PDE5A: variants seen among roughly 807,000 people sequenced by gnomAD.
PDE5A encodes the protein phosphodiesterase 5A.
A neutral mutation model predicts 110.2 loss-of-function variants in PDE5A; 67 were observed. That is an observed-to-expected ratio of 0.61 (90% CI 0.50 to 0.75). The LOEUF is 0.75. Ranked by LOEUF, PDE5A falls within the 30% of genes least tolerant of loss-of-function variation. The probability of loss-of-function intolerance (pLI) is 0.00; values close to 1 mark genes in which losing one functional copy is unlikely to be tolerated. For synonymous variants in PDE5A, 328 were observed against 351.2 expected (o/e 0.93, Z 0.74); for missense variants, 862 against 1,045.1 (o/e 0.82, Z 2.42).
intron 2 of PDE5A, among the ~76,000 whole-genome samples, chr4:119,601,665 C>T (rs554705744): frequency 1.1e-3 from 165 of 152,272 alleles, no homozygotes; most frequent in African/African-American, 3.9e-3. Flanking sequence ...ATCCCACTTG[C>T]AGCTGACGTC....
chr4:119,586,428 G>A (rs1385150790), intron 3 of PDE5A, among the ~76,000 whole-genome samples: 2 of 152,162 alleles, frequency 1.3e-5, no homozygotes, highest in Non-Finnish European at 2.9e-5. Context: ...TAACAACAAG[G>A]AATACAGGGT....
chr4:119,498,851 G>T (rs1394978536), intron 20 of PDE5A, 113 bp from the exon 21 acceptor site: 3 of 1,118,826 alleles, frequency 2.7e-6, no homozygotes, highest in East Asian at 4.9e-5. Flanking sequence ...CAGACTCACT[G>T]TTGAAATTTT....
chr4:119,551,554 T>A (rs559632227), intron 9 of PDE5A, among the ~76,000 whole-genome samples: 159 of 152,310 alleles, frequency 1.0e-3, no homozygotes, highest in African/African-American at 3.6e-3. Flanking sequence ...TTGCACCTAG[T>A]GAAGGCTCAC....
chr4:119,610,804 C>T (rs1314525797), intron 1 of PDE5A, among the ~76,000 whole-genome samples: 3 of 152,198 alleles, frequency 2.0e-5, no homozygotes, highest in Non-Finnish European at 4.4e-5. Flanking sequence ...ATCTCCATTA[C>T]TACCACCCTG....
intron 14 of PDE5A, 21 bp downstream of exon 14, chr4:119,519,024 G>C (rs1726016503): frequency 6.4e-7 from 1 of 1,558,970 alleles, no homozygotes; most frequent in African/African-American, 1.4e-5. Flanking sequence ...ACATTTTCTT[G>C]CTTTACTGGG....
chr4:119,606,264 T>G (rs1729524782), intron 2 of PDE5A, among the ~76,000 whole-genome samples: 1 of 152,156 alleles, frequency 6.6e-6, no homozygotes, highest in African/African-American at 2.4e-5. Context: ...GGACTTTGAA[T>G]GAATATGATT....
At chr4:119,569,492 T>A (rs915809773) in intron 3 of PDE5A, among the ~76,000 whole-genome samples, 1 of 149,644 alleles carries the variant, frequency 6.7e-6, no homozygotes, top group Non-Finnish European at 1.5e-5. Flanking sequence ...TTTGTACCAA[T>A]AAATAAAGAA....
intron 14 of PDE5A, among the ~76,000 whole-genome samples, chr4:119,513,874 T>C (rs533207618): frequency 2.6e-5 from 4 of 152,322 alleles, no homozygotes; most frequent in East Asian, 3.9e-4. Flanking sequence ...TGGCTTGAGA[T>C]AGATGAATGC....
At chr4:119,592,492 T>G (rs1729015213) in intron 3 of PDE5A, among the ~76,000 whole-genome samples, 4 of 98,144 alleles carry the variant, frequency 4.1e-5, no homozygotes, top group South Asian at 3.2e-4. Flanking sequence ...AAAAAAGCTG[T>G]GTTCTGGAAG....
At chr4:119,541,077 A>C (rs182735087) in intron 10 of PDE5A, among the ~76,000 whole-genome samples, 2 of 152,104 alleles carry the variant, frequency 1.3e-5, no homozygotes, top group Non-Finnish European at 2.9e-5. Flanking sequence ...AGGGAAGTGC[A>C]GAGGAGTGCG....
At position 119,565,936 on chromosome 4, in the gene PDE5A, A is replaced by G. The variant is rs552667157; in HGVS notation, c.904-526T>C. On this transcript the variant is annotated intron_variant, in intron 4 of 20. Transcript: ENST00000354960. ...GTGTTTCTAATTATATTAATTATTG[A>G]TTGACTATTAATTATTATTAATTAA... is the stretch of plus-strand genomic sequence containing the variant. Among the ~76,000 whole-genome samples, 1,157 of 148,188 alleles carry G rather than the reference A, an allele frequency of 7.8e-3. 19 individuals are homozygous for G. The highest frequency in any genetic ancestry group is 0.027 in the African/African-American group (1,096 of 40,738).
At chr4:119,501,552 G>A (rs1476099619) in intron 19 of PDE5A, among the ~76,000 whole-genome samples, 1 of 152,112 alleles carries the variant, frequency 6.6e-6, no homozygotes, top group Non-Finnish European at 1.5e-5. Flanking sequence ...GACTGCCTTG[G>A]CCTCCCAAAG....
intron 11 of PDE5A, among the ~76,000 whole-genome samples, chr4:119,534,493 T>G (rs55826301): frequency 0.027 from 4,084 of 152,090 alleles, 96 homozygotes; most frequent in Non-Finnish European, 0.041. Flanking sequence ...ATACTGACTA[T>G]ATCTCCATTC....
intron 11 of PDE5A, among the ~76,000 whole-genome samples, chr4:119,534,654 T>C (rs1170858471): frequency 6.6e-6 from 1 of 152,148 alleles, no homozygotes; most frequent in Admixed American, 6.6e-5. Context: ...CCAATACTTC[T>C]TTGTTAAATT....
intron 1 of PDE5A, among the ~76,000 whole-genome samples, chr4:119,626,004 C>G (rs1158747054): frequency 6.6e-6 from 1 of 152,126 alleles, no homozygotes; most frequent in East Asian, 1.9e-4. Context: ...AATTGAGGAC[C>G]TGCACTATTA....
intron 4 of PDE5A, 113 bp downstream of exon 4, chr4:119,566,960 C>G: frequency 1.3e-6 from 1 of 746,500 alleles, no homozygotes; most frequent in Non-Finnish European, 2.4e-6. Context: ...ATTTTTAACT[C>G]TAATTTTTTT....
At chr4:119,547,260 C>G (rs1290173567) in intron 9 of PDE5A, among the ~76,000 whole-genome samples, 2 of 151,780 alleles carry the variant, frequency 1.3e-5, no homozygotes, top group African/African-American at 4.8e-5. Flanking sequence ...ACTGTAATAT[C>G]AAGTATCTTT....
chr4:119,522,932 T>C (rs553710553), intron 12 of PDE5A, among the ~76,000 whole-genome samples: 11 of 152,040 alleles, frequency 7.2e-5, no homozygotes, highest in Middle Eastern at 3.4e-3. Flanking sequence ...TCCTGAGTGG[T>C]GAACTCAAGA....
Position 119,552,653 on chromosome 4 carries a change from A to C in PDE5A, c.1309-16T>G. Reference sequence around the variant, plus strand: ...TATTTTCAGTCTAAACAAAAATAAAAAGAACAAAACAGCTAAAATGGTAAA... The same window carrying C: ...TATTTTCAGTCTAAACAAAAATAAACAGAACAAAACAGCTAAAATGGTAAA... On this transcript the variant is annotated splice_polypyrimidine_tract_variant and intron_variant, in intron 8 of 20. Coordinates refer to ENST00000354960, the MANE Select transcript of PDE5A (RefSeq NM_001083.4). The C allele has an allele frequency of 7.2e-7, 1 of 1,398,258 alleles. No individual in the cohort carries two copies. The highest frequency in any genetic ancestry group is 9.8e-7 in the Non-Finnish European group (1 of 1,024,934). The allele number at this position is 1,398,258 out of a possible 1,614,324, so 86.6% of individuals were successfully genotyped here.
Sources: gnomAD v4.1 joint callset for allele counts (sites outside exome capture counted in the v4.1 genomes callset) on GRCh38, gnomAD v4.1.1 for gene constraint, MANE v1.5 for transcripts, NCBI Gene and HGNC (gene_info 2026-07-23, HGNC 2026-07-21) for gene names.